COL23A1: variants seen among roughly 807,000 people sequenced by gnomAD.
COL23A1 encodes the protein collagen type XXIII alpha 1 chain.
COL23A1 carries 97 observed loss-of-function variants against 99.3 expected under a neutral mutation model. That is an observed-to-expected ratio of 0.98 (90% CI 0.83 to 1.16). The LOEUF (loss-of-function observed/expected upper bound fraction) is 1.16, where lower values mean the gene tolerates loss of function less well. Among genes scored for constraint, COL23A1 ranks in the 50% most tolerant of loss-of-function variants. COL23A1 has a pLI of 0.00. For missense variants in COL23A1, 762 were observed against 757.4 expected (o/e 1.01, Z -0.07); for synonymous variants, 320 against 308.2 (o/e 1.04, Z -0.40).
intron 2 of COL23A1, among the ~76,000 whole-genome samples, chr5:178,378,676 G>C (rs1274706880): frequency 1.3e-5 from 2 of 152,228 alleles, no homozygotes; most frequent in African/African-American, 4.8e-5. Context: ...AGGATACGCA[G>C]GGATGGAGCA....
At chr5:178,382,560 C>T (rs1763441881) in intron 2 of COL23A1, among the ~76,000 whole-genome samples, 1 of 152,148 alleles carries the variant, frequency 6.6e-6, no homozygotes, top group Non-Finnish European at 1.5e-5. Context: ...CGATACCCCA[C>T]CATGGCCAGA....
intron 2 of COL23A1, among the ~76,000 whole-genome samples, chr5:178,381,472 C>T (rs1383616736): frequency 6.6e-6 from 1 of 152,184 alleles, no homozygotes; most frequent in African/African-American, 2.4e-5. Flanking sequence ...GAGGGTCCTG[C>T]CTGTCGCTGG....
At chr5:178,338,075 A>G (rs529112736) in intron 2 of COL23A1, among the ~76,000 whole-genome samples, 1 of 152,174 alleles carries the variant, frequency 6.6e-6, no homozygotes, top group South Asian at 2.1e-4. Context: ...GGGGCCACAC[A>G]TCTTGGGAGT....
intron 2 of COL23A1, among the ~76,000 whole-genome samples, chr5:178,546,873 CA>C (rs972107454): frequency 1.1e-4 from 16 of 152,230 alleles, no homozygotes; most frequent in African/African-American, 3.8e-4. Flanking sequence ...TCTGCAAGGC[CA>C]GGGGCACCCG....
At chr5:178,564,792 A>G (rs1323236188) in intron 1 of COL23A1, among the ~76,000 whole-genome samples, 1 of 152,214 alleles carries the variant, frequency 6.6e-6, no homozygotes, top group South Asian at 2.1e-4. Flanking sequence ...CAGATGTTTG[A>G]TCACATCCTT....
At position 178,247,937 on chromosome 5, in the gene COL23A1, C is replaced by A. The variant is rs566753970; in HGVS notation, c.1213-106G>T. On this transcript the variant is annotated intron_variant, in intron 20 of 28. Transcript: ENST00000390654. Reference sequence around the variant, plus strand: ...GGATCGAGAGTCTCCTTCCTGCCCCCCAGAGGGCAGAGTCTGGTGAGCAGG... The same window carrying A: ...GGATCGAGAGTCTCCTTCCTGCCCCACAGAGGGCAGAGTCTGGTGAGCAGG... 2.0e-4 allele frequency: 213 copies of A among 1,049,906 alleles called. 1 individual carries two copies. In the African/African-American group the frequency reaches 2.7e-3, roughly 13 times the overall value. 65.0% of individuals were successfully genotyped at this position (1,049,906 alleles called of 1,614,324 possible). A position where few individuals can be genotyped will look rare whatever the true frequency, so the allele number is the denominator to read the frequency against.
At chr5:178,333,442 G>A (rs192991982) in intron 2 of COL23A1, among the ~76,000 whole-genome samples, 4 of 152,200 alleles carry the variant, frequency 2.6e-5, no homozygotes, top group Admixed American at 1.3e-4. Flanking sequence ...CCTGCATGCA[G>A]GGACCCACAG....
intron 2 of COL23A1, among the ~76,000 whole-genome samples, chr5:178,382,132 C>T (rs1303698990): frequency 6.6e-6 from 1 of 152,058 alleles, no homozygotes; most frequent in Non-Finnish European, 1.5e-5. Flanking sequence ...GGCACAGTCC[C>T]TGGGGGGCTG....
At chr5:178,341,065 G>A (rs1236775302) in intron 2 of COL23A1, among the ~76,000 whole-genome samples, 1 of 152,222 alleles carries the variant, frequency 6.6e-6, no homozygotes, top group Non-Finnish European at 1.5e-5. Context: ...CATGGCTCCT[G>A]ATGGTGGAGC....
intron 1 of COL23A1, among the ~76,000 whole-genome samples, chr5:178,582,206 CAA>C (rs11315118): frequency 7.6e-3 from 239 of 31,580 alleles, no homozygotes; most frequent in African/African-American, 0.02. Flanking sequence ...GACTCTATCT[CAA>C]AAAAAAAAAA....
intron 2 of COL23A1, among the ~76,000 whole-genome samples, chr5:178,486,605 G>C (rs1335514677): frequency 6.6e-6 from 1 of 152,202 alleles, no homozygotes; most frequent in Non-Finnish European, 1.5e-5. Context: ...CAGTTGGGTG[G>C]TTTTGTGAAA....
At chr5:178,564,192 G>A (rs771614883) in intron 1 of COL23A1, among the ~76,000 whole-genome samples, 6 of 152,070 alleles carry the variant, frequency 3.9e-5, no homozygotes, top group Non-Finnish European at 7.4e-5. Context: ...TAATGCTAGC[G>A]GCGGGATCAC....
At chr5:178,444,420 T>TA (rs961020897) in intron 2 of COL23A1, among the ~76,000 whole-genome samples, 6 of 152,182 alleles carry the variant, frequency 3.9e-5, no homozygotes, top group African/African-American at 1.4e-4. Context: ...AGTTTTGTAT[T>TA]AGAGTTTTCC....
intron 2 of COL23A1, among the ~76,000 whole-genome samples, chr5:178,316,867 G>C (rs889389630): frequency 1.3e-5 from 2 of 150,884 alleles, no homozygotes; most frequent in Non-Finnish European, 2.9e-5. Flanking sequence ...AAAAAACGTT[G>C]CTTGGCATTA....
chr5:178,541,462 C>T (rs1181364679), intron 2 of COL23A1, among the ~76,000 whole-genome samples: 4 of 152,160 alleles, frequency 2.6e-5, no homozygotes, highest in Non-Finnish European at 5.9e-5. Flanking sequence ...GTGGTCCTCG[C>T]TGCTTGGGAG....
At chr5:178,541,957 T>G (rs949505147) in intron 2 of COL23A1, among the ~76,000 whole-genome samples, 1 of 152,182 alleles carries the variant, frequency 6.6e-6, no homozygotes, top group Admixed American at 6.5e-5. Flanking sequence ...AGGTGCTGTT[T>G]CTTGGCCTGG....
At chr5:178,498,624 G>A (rs1758361421) in intron 2 of COL23A1, among the ~76,000 whole-genome samples, 2 of 151,772 alleles carry the variant, frequency 1.3e-5, no homozygotes, top group African/African-American at 2.4e-5. Flanking sequence ...TGAGACAATT[G>A]GAAATATTTT....
At chr5:178,552,722 AAAAT>A (rs1306364817) in intron 2 of COL23A1, among the ~76,000 whole-genome samples, 21 of 150,618 alleles carry the variant, frequency 1.4e-4, no homozygotes, top group African/African-American at 4.9e-4. Flanking sequence ...AAAAAAAAAA[AAAAT>A]TTTTTTCAGA....
intron 2 of COL23A1, among the ~76,000 whole-genome samples, chr5:178,339,900 G>C (rs552811909): frequency 6.6e-6 from 1 of 152,174 alleles, no homozygotes; most frequent in African/African-American, 2.4e-5. Flanking sequence ...TTTCAGGAGT[G>C]ATTTGGAACA....
Sources: allele counts gnomAD v4.1 joint callset (sites outside exome capture counted in the v4.1 genomes callset), GRCh38; gene constraint gnomAD v4.1.1; transcripts MANE v1.5; gene names NCBI Gene and HGNC (gene_info 2026-07-23, HGNC 2026-07-21).